Variants in KANK1 observed in about 807,000 individuals in gnomAD.
The protein encoded by KANK1 is KN motif and ankyrin repeat domains 1.
In KANK1, 109 loss-of-function variants were observed where a neutral mutation model predicts 106.2. The ratio of observed to expected loss-of-function variants is 1.03; its 90% CI spans 0.88 to 1.20. The LOEUF (loss-of-function observed/expected upper bound fraction) is 1.20. Among genes scored for constraint, KANK1 ranks in the 50% most tolerant of loss-of-function variants. The pLI is 0.00. For missense variants in KANK1, 2,399 were observed against 1,710.7 expected (o/e 1.40, Z -7.10); for synonymous variants, 873 against 652.2 (o/e 1.34, Z -5.16).
At chr9:500,984 T>G (rs1468965982), upstream of KANK1, among the ~76,000 whole-genome samples, 1 of 152,198 alleles carries the variant, frequency 6.6e-6, no homozygotes, top group East Asian at 1.9e-4. Context: ...CTGAATGACT[T>G]TCTTCCTCCA....
intron 1 of KANK1, among the ~76,000 whole-genome samples, chr9:558,115 A>G (rs1020055518): frequency 6.6e-6 from 1 of 152,130 alleles, no homozygotes; most frequent in Non-Finnish European, 1.5e-5. Flanking sequence ...CCAGTGTAGA[A>G]TGGGCAGGCA....
chr9:612,258 A>G (rs985007077), intron 1 of KANK1, among the ~76,000 whole-genome samples: 1 of 152,092 alleles, frequency 6.6e-6, no homozygotes, highest in African/African-American at 2.4e-5. Context: ...TGAGAATGTG[A>G]TTTTTGCAAT....
At chr9:710,775 A>G in intron 2 of KANK1, 29 bp from the exon 3 acceptor site, 1 of 1,539,870 alleles carries the variant, frequency 6.5e-7, no homozygotes, top group Non-Finnish European at 8.7e-7. Flanking sequence ...ATTGCATGTC[A>G]TTATAATATT....
chr9:606,531 G>T (rs1378367916), intron 1 of KANK1, among the ~76,000 whole-genome samples: 2 of 141,208 alleles, frequency 1.4e-5, no homozygotes, highest in Non-Finnish European at 1.5e-5. Context: ...ACTCCAGTCT[G>T]GGCAACAACA....
At chr9:678,941 T>C (rs150686352) in intron 2 of KANK1, among the ~76,000 whole-genome samples, 1 of 152,304 alleles carries the variant, frequency 6.6e-6, no homozygotes, top group East Asian at 1.9e-4. Flanking sequence ...AACCTTCTTC[T>C]GGTGCCTTGG....
intron 1 of KANK1, among the ~76,000 whole-genome samples, chr9:528,139 G>GAAAAAAAA (rs77736906): frequency 7.9e-6 from 1 of 125,864 alleles, no homozygotes; most frequent in African/African-American, 2.9e-5. Context: ...TCCGTCTCGG[G>GAAAAAAAA]AAAAAAAAAA....
intron 1 of KANK1, among the ~76,000 whole-genome samples, chr9:552,990 T>G (rs1022718906): frequency 6.6e-6 from 1 of 151,876 alleles, no homozygotes; most frequent in South Asian, 2.1e-4. Context: ...ACAAAAAAAT[T>G]AGAAAATTAT....
At chr9:546,218 C>A (rs764986254) in intron 1 of KANK1, among the ~76,000 whole-genome samples, 4 of 152,068 alleles carry the variant, frequency 2.6e-5, no homozygotes, top group African/African-American at 9.7e-5. Flanking sequence ...TAGGATATAT[C>A]TGCACTTCTC....
intron 1 of KANK1, among the ~76,000 whole-genome samples, chr9:544,308 C>T (rs997722550): frequency 4.6e-5 from 7 of 152,168 alleles, no homozygotes; most frequent in Non-Finnish European, 7.3e-5. Flanking sequence ...CAGGCAAGAG[C>T]CACTGCACCT....
intron 1 of KANK1, among the ~76,000 whole-genome samples, chr9:668,559 C>T (rs1845195215): frequency 1.3e-5 from 2 of 152,212 alleles, no homozygotes; most frequent in South Asian, 2.1e-4. Context: ...CTCCTTTCTT[C>T]CTGTCATCCT....
chr9:510,822 G>T (rs1395113790), intron 1 of KANK1, among the ~76,000 whole-genome samples: 4 of 152,190 alleles, frequency 2.6e-5, no homozygotes, highest in African/African-American at 9.6e-5. Context: ...AATGCAGTAG[G>T]CTGCTTTTTT....
intron 1 of KANK1, among the ~76,000 whole-genome samples, chr9:654,837 GAGAGAGAGAGAT>G (rs1373167106): frequency 7.9e-6 from 1 of 126,226 alleles, no homozygotes; most frequent in Admixed American, 7.5e-5. Context: ...GAGAGAGAGA[GAGAGAGAGAGAT>G]AAAGGGAGGA....
chr9:509,696 G>A (rs1030813837), intron 1 of KANK1, among the ~76,000 whole-genome samples: 3 of 152,158 alleles, frequency 2.0e-5, no homozygotes, highest in Non-Finnish European at 2.9e-5. Flanking sequence ...TCCCTCTTGG[G>A]TATTTCATAA....
At chr9:629,378 A>T (rs1401606620) in intron 1 of KANK1, among the ~76,000 whole-genome samples, 1 of 152,156 alleles carries the variant, frequency 6.6e-6, no homozygotes, top group Non-Finnish European at 1.5e-5. Context: ...CAGCTGCCTA[A>T]CTTGGTTTCT....
chr9:715,372 G>A (rs896611276), intron 3 of KANK1, among the ~76,000 whole-genome samples: 3 of 148,134 alleles, frequency 2.0e-5, no homozygotes, highest in African/African-American at 7.5e-5. Flanking sequence ...CCAGACAGAT[G>A]GCACAGTGGA....
intron 1 of KANK1, among the ~76,000 whole-genome samples, chr9:559,313 G>T (rs1201283775): frequency 1.4e-4 from 21 of 151,960 alleles, no homozygotes; most frequent in East Asian, 1.9e-4. Flanking sequence ...GGTTTTAATT[G>T]TACAGTCAAC....
At chr9:690,131 T>TAAAAAAAAAAA (rs1819524820) in intron 2 of KANK1, among the ~76,000 whole-genome samples, 1 of 16,688 alleles carries the variant, frequency 6.0e-5, no homozygotes, top group Non-Finnish European at 1.5e-4. Flanking sequence ...CTTCTAAAAA[T>TAAAAAAAAAAA]ACAAAAAAAA....
intron 10 of KANK1, 60 bp downstream of exon 10, chr9:742,465 T>C (rs951858092): frequency 8.6e-6 from 12 of 1,395,806 alleles, no homozygotes; most frequent in Non-Finnish European, 1.2e-5. Flanking sequence ...ACGGGAGCTC[T>C]GGGAGTGCCT....
intron 1 of KANK1, among the ~76,000 whole-genome samples, chr9:560,291 G>T (rs867582846): frequency 6.6e-6 from 1 of 152,168 alleles, no homozygotes; most frequent in Non-Finnish European, 1.5e-5. Flanking sequence ...GATTTTTTAT[G>T]GATAAGTTGG....
Sources: gnomAD v4.1 joint callset for allele counts (sites outside exome capture counted in the v4.1 genomes callset) on GRCh38, gnomAD v4.1.1 for gene constraint, MANE v1.5 for transcripts, NCBI Gene and HGNC (gene_info 2026-07-23, HGNC 2026-07-21) for gene names.